Variants in SULT4A1 observed in about 807,000 individuals in gnomAD.
SULT4A1 encodes the protein sulfotransferase 4A1.
A neutral mutation model predicts 35.2 loss-of-function variants in SULT4A1; 11 were observed. That is an observed-to-expected ratio of 0.31 (90% CI 0.20 to 0.52). The LOEUF (loss-of-function observed/expected upper bound fraction) is 0.52. SULT4A1 is among the 20% of genes least tolerant of loss of function. The pLI, the probability that SULT4A1 is intolerant of heterozygous loss-of-function variation, is 0.97. For synonymous variants in SULT4A1, 152 were observed against 151.8 expected (o/e 1.00, Z -0.01); for missense variants, 271 against 383.7 (o/e 0.71, Z 2.45).
intron 5 of SULT4A1, among the ~76,000 whole-genome samples, chr22:43,831,514 G>T (rs1173078941): frequency 1.3e-5 from 2 of 152,106 alleles, no homozygotes; most frequent in African/African-American, 4.8e-5. Flanking sequence ...ACTCCAGAAC[G>T]TCCACGGAGG....
chr22:43,842,241 C>G (rs748585617), intron 1 of SULT4A1, among the ~76,000 whole-genome samples: 1 of 152,148 alleles, frequency 6.6e-6, no homozygotes, highest in East Asian at 1.9e-4. Context: ...GTGGGTGACT[C>G]GGCCCAACCT....
At chr22:43,845,136 A>G (rs113230539) in intron 1 of SULT4A1, among the ~76,000 whole-genome samples, 3 of 152,290 alleles carry the variant, frequency 2.0e-5, no homozygotes, top group African/African-American at 4.8e-5. Context: ...AGAAACGGGC[A>G]CAGCTTAACC....
chr22:43,854,024 C>T lies in SULT4A1; in HGVS notation c.169+8190G>A, dbSNP rs117607636. 9.7e-3 allele frequency among the ~76,000 whole-genome samples: 1,470 copies of T among 152,310 alleles called. 12 individuals are homozygous for T. The highest frequency in any genetic ancestry group is 0.011 in the Non-Finnish European group (760 of 68,022). On this transcript the variant is annotated intron_variant, in intron 1 of 6. Coordinates refer to ENST00000330884, the MANE Select transcript of SULT4A1 (RefSeq NM_014351.4). ...TTTGGGGAAAGGAGGCTCTGGTGTG[C>T]GGCATTAAGGGCCCCAGTTTGCCCT...
At chr22:43,828,937 A>G (rs1415464433) in intron 6 of SULT4A1, 123 bp downstream of exon 6, 1 of 1,125,478 alleles carries the variant, frequency 8.9e-7, no homozygotes, top group Non-Finnish European at 1.2e-6. Context: ...GGCCAGCTAC[A>G]GACTGCTGTA....
intron 1 of SULT4A1, among the ~76,000 whole-genome samples, chr22:43,860,877 G>A (rs371499841): frequency 9.2e-5 from 14 of 152,256 alleles, no homozygotes; most frequent in African/African-American, 3.4e-4. Flanking sequence ...GAGGCTGGCC[G>A]TGGACCGGGA....
At chr22:43,840,501 G>T (rs2063418182) in intron 2 of SULT4A1, among the ~76,000 whole-genome samples, 1 of 152,094 alleles carries the variant, frequency 6.6e-6, no homozygotes, top group Non-Finnish European at 1.5e-5. Context: ...GGCCTGGGGA[G>T]TCCACCCATC....
chr22:43,845,239 T>C (rs1156937816), intron 1 of SULT4A1, among the ~76,000 whole-genome samples: 1 of 152,078 alleles, frequency 6.6e-6, no homozygotes, highest in African/African-American at 2.4e-5. Flanking sequence ...AGTGCAGCCC[T>C]GGTCCCCTGC....
intron 6 of SULT4A1, among the ~76,000 whole-genome samples, chr22:43,828,183 G>A (rs950940832): frequency 2.6e-5 from 4 of 152,176 alleles, no homozygotes; most frequent in East Asian, 1.9e-4. Context: ...AGCCATCCAC[G>A]TTTCTGGGCC....
In SULT4A1 at chr22:43,858,148, G is replaced by C. The variant is rs562422163; in HGVS notation, c.169+4066C>G. Among the ~76,000 whole-genome samples, 29 of 151,994 alleles carry C rather than the reference G, an allele frequency of 1.9e-4. No individual in the cohort carries two copies. The East Asian group carries it at 5.6e-3, about 29-fold the overall frequency. On this transcript the variant is annotated intron_variant, in intron 1 of 6. Coordinates refer to ENST00000330884, the MANE Select transcript of SULT4A1 (RefSeq NM_014351.4). ...CTCACACCTGTAATCCCAGTACTTT[G>C]GGAGGCCAAGGCAAAAGAAACTATG...
At chr22:43,845,740 C>G (rs890903962) in intron 1 of SULT4A1, among the ~76,000 whole-genome samples, 17 of 152,152 alleles carry the variant, frequency 1.1e-4, no homozygotes, top group Non-Finnish European at 1.9e-4. Flanking sequence ...CCAGCCTGAG[C>G]TCTGCCTCCT....
At chr22:43,840,576 C>T (rs937759965) in intron 2 of SULT4A1, among the ~76,000 whole-genome samples, 1 of 152,168 alleles carries the variant, frequency 6.6e-6, no homozygotes, top group Non-Finnish European at 1.5e-5. Flanking sequence ...GGAGTGGCGT[C>T]GGAGGGCAGC....
chr22:43,848,513 C>T (rs960822341), intron 1 of SULT4A1, among the ~76,000 whole-genome samples: 15 of 152,202 alleles, frequency 9.9e-5, no homozygotes, highest in South Asian at 4.1e-4. Context: ...CCACTAGCCT[C>T]GAGCAGGAGG....
intron 4 of SULT4A1, among the ~76,000 whole-genome samples, chr22:43,838,282 T>C (rs1052927160): frequency 6.6e-5 from 10 of 152,382 alleles, no homozygotes; most frequent in African/African-American, 2.4e-4. Context: ...GGGGCTGGAA[T>C]GGAAGCCAGA....
intron 4 of SULT4A1, among the ~76,000 whole-genome samples, chr22:43,835,076 A>G (rs1385304787): frequency 1.1e-5 from 1 of 94,222 alleles, no homozygotes; most frequent in Non-Finnish European, 2.1e-5. Flanking sequence ...CGCGGCCCTG[A>G]GCTTCCCGCG....
intron 6 of SULT4A1, chr22:43,827,330 C>T (rs949190652): frequency 1.2e-5 from 12 of 985,278 alleles, no homozygotes; most frequent in South Asian, 4.7e-5. Flanking sequence ...CAACGTAACA[C>T]GGACTTTCTC....
Position 43,838,995 on chromosome 22 carries a change from T to TGTGGGTG in SULT4A1, c.382-9_382-3dup, listed in dbSNP as rs775364774. The TGTGGGTG allele has an allele frequency of 4.7e-5, 76 of 1,613,848 alleles. No individual in the cohort carries two copies. Among genetic ancestry groups the TGTGGGTG allele is most frequent in the Non-Finnish European group, 6.4e-5 (75 of 1,179,878 alleles). Reference sequence around the variant, plus strand: ...GGGGTTGCGAGCCATATAGATGACCTGTGGGTGACAGGAGCAGGATGAGTC... The same window carrying TGTGGGTG: ...GGGGTTGCGAGCCATATAGATGACCTGTGGGTGGTGGGTGACAGGAGCAGGATGAGTC... On this transcript the variant is annotated splice_region_variant and splice_polypyrimidine_tract_variant and intron_variant, in intron 3 of 6. Coordinates refer to ENST00000330884, the MANE Select transcript of SULT4A1 (RefSeq NM_014351.4).
chr22:43,846,299 C>T (rs775001870), intron 1 of SULT4A1, among the ~76,000 whole-genome samples: 2 of 152,246 alleles, frequency 1.3e-5, no homozygotes, highest in African/African-American at 2.4e-5. Flanking sequence ...TCCCGTCCCT[C>T]GCCCTGTCAT....
chr22:43,853,817 G>C (rs1430020965), intron 1 of SULT4A1, among the ~76,000 whole-genome samples: 1 of 152,248 alleles, frequency 6.6e-6, no homozygotes, highest in Non-Finnish European at 1.5e-5. Flanking sequence ...GACAGAGCTG[G>C]CACAGCAAGC....
intron 1 of SULT4A1, among the ~76,000 whole-genome samples, chr22:43,861,977 C>G (rs998498633): frequency 5.3e-5 from 8 of 152,200 alleles, no homozygotes; most frequent in Non-Finnish European, 1.2e-4. Context: ...AGGGGCCGCT[C>G]CCGAAGGTCT....
Sources: allele counts gnomAD v4.1 joint callset (sites outside exome capture counted in the v4.1 genomes callset), GRCh38; gene constraint gnomAD v4.1.1; transcripts MANE v1.5; gene names NCBI Gene and HGNC (gene_info 2026-07-23, HGNC 2026-07-21).